Variants in ABTB1 observed in about 807,000 individuals in gnomAD.
ABTB1 encodes the protein ankyrin repeat and BTB domain containing 1, also known as ankyrin repeat and BTB/POZ domain-containing protein 1.
ABTB1 carries 45 observed loss-of-function variants against 57.1 expected under a neutral mutation model. The observed-to-expected ratio is 0.79, with a 90% CI of 0.62 to 1.01. The LOEUF is 1.01. Ranked by LOEUF, ABTB1 falls within the 50% of genes least tolerant of loss-of-function variation. ABTB1 has a pLI of 0.00. For missense variants in ABTB1, 630 were observed against 666.3 expected (o/e 0.95, Z 0.60); for synonymous variants, 302 against 275.4 (o/e 1.10, Z -0.95).
chr3:127,679,890 T>A (rs2075085718), intron 10 of ABTB1, 95 bp from the exon 11 acceptor site: 15 of 1,243,322 alleles, frequency 1.2e-5, no homozygotes, highest in Non-Finnish European at 1.7e-5. Flanking sequence ...TTCCCGCCAG[T>A]GCCCCCCAAC....
At chr3:127,677,928 G>A (rs556841865) in intron 10 of ABTB1, 85 bp downstream of exon 10, 2 of 1,507,490 alleles carry the variant, frequency 1.3e-6, no homozygotes, top group East Asian at 2.3e-5. Context: ...GGGGGTCTGT[G>A]GAAGGGCCCA....
chr3:127,673,174 G>C, intron 1 of ABTB1, 93 bp downstream of exon 1: 9 of 1,308,922 alleles, frequency 6.9e-6, no homozygotes, highest in Non-Finnish European at 8.9e-6. Context: ...GCCGCGGAGA[G>C]GCGGGCGCCT....
In ABTB1 at chr3:127,675,264, C is replaced by CTTT. The variant is rs1170878832; in HGVS notation, c.175+682_175+684dup. 5.6e-3 allele frequency among the ~76,000 whole-genome samples: 690 copies of CTTT among 123,810 alleles called. 20 individuals carry two copies. Among genetic ancestry groups the CTTT allele is most frequent in the African/African-American group, 0.019 (625 of 32,384 alleles). 81.2% of individuals were successfully genotyped at this position (123,810 alleles called of 152,430 possible). A position where few individuals can be genotyped will look rare whatever the true frequency, so the allele number is the denominator to read the frequency against. On this transcript the variant is annotated intron_variant, in intron 3 of 11. Coordinates refer to ENST00000232744, the MANE Select transcript of ABTB1 (RefSeq NM_172027.3). ...ATTCTTCTTCCTATTTTGGTTTTTT[C>CTTT]TTTTTTTTTTTTTTTTTTTTGGAGA...
Position 127,680,176 on chromosome 3 carries a change from C to A in ABTB1, c.1221C>A (p.Val407=), listed in dbSNP as rs1232402267. The part of the protein sequence containing the change: ...EDQCTEYMAK[V]IEKLVEREDF... ...AGTGCACTGAGTACATGGCCAAGGT[C>A]ATTGAGAAGGTGGGCCAGTGGTCTG... The change falls in exon 11 of 12, where the codon GTC becomes GTA. Residue 407 remains valine, a synonymous_variant. Transcript: ENST00000232744. 6.2e-7 allele frequency: 1 copy of A among 1,613,842 alleles called. No homozygotes were observed. The highest frequency in any genetic ancestry group is 8.5e-7 in the Non-Finnish European group (1 of 1,179,980).
In ABTB1 at chr3:127,676,505, C is replaced by T; in HGVS notation, c.481-31C>T. On this transcript the variant is annotated intron_variant, in intron 5 of 11. Transcript: ENST00000232744. This position sits in a 1 kb window ranked among gnomAD's most constrained non-coding sequence, Gnocchi z 5.4. ...AGGAGGTTGTGCTGGGTGGCTGCCT[C>T]TGACATTACTTTCTGGTTTTCTGCC... 6.2e-7 allele frequency: 1 copy of T among 1,614,150 alleles called. No individual in the cohort carries two copies. Among genetic ancestry groups the T allele is most frequent in the Non-Finnish European group, 8.5e-7 (1 of 1,180,004 alleles).
intron 1 of ABTB1, chr3:127,673,303 C>T (rs1243876406): frequency 5.9e-5 from 22 of 371,704 alleles, no homozygotes; most frequent in Non-Finnish European, 3.7e-5. Context: ...CCCCGGAGGG[C>T]TTCCTGTAAG....
Position 127,673,047 on chromosome 3 carries a change from G to T in ABTB1, c.22G>T (p.Ala8Ser). MDTSDLF[A>S]SCRKGDVGRV... The stretch of plus-strand genomic sequence containing the variant: ...CGCCATGGACACCAGCGACCTGTTC[G>T]CCAGCTGCAGGAAGGGGGATGTGGG... The change falls in exon 1 of 12, where the codon GCC (alanine) becomes TCC (serine). Residue 8 changes from alanine to serine, a missense_variant. By Grantham distance (99) the Ala-to-Ser change is moderately conservative (BLOSUM62 1). Transcript: ENST00000232744. 3.8e-6 allele frequency: 6 copies of T among 1,574,810 alleles called. No homozygotes were observed. Among genetic ancestry groups the T allele is most frequent in the Non-Finnish European group, 5.2e-6 (6 of 1,160,676 alleles).
chr3:127,674,201 C>G lies in ABTB1; in HGVS notation c.57-190C>G, dbSNP rs986579200. On this transcript the variant is annotated intron_variant, in intron 1 of 11. Transcript: ENST00000232744. Reference sequence around the variant, plus strand: ...GCACACAGTGTCTGCCTGTTCGACCCCACCTCCACATCCTTGCCTGCACTT... The same window carrying G: ...GCACACAGTGTCTGCCTGTTCGACCGCACCTCCACATCCTTGCCTGCACTT... 5 of 659,928 alleles carry G rather than the reference C, an allele frequency of 7.6e-6. No homozygotes were observed. The East Asian group carries it at 1.1e-4, about 15-fold the overall frequency. The allele number at this position is 659,928 out of a possible 1,614,324, so 40.9% of individuals were successfully genotyped here.
Position 127,675,990 on chromosome 3 carries a change from A to G in ABTB1, c.196A>G (p.Thr66Ala). The change falls in exon 4 of 12, where the codon ACC becomes GCC. Residue 66 changes from threonine (T) to alanine (A), a missense_variant. Physicochemically the swap from Thr to Ala is moderately conservative, Grantham distance 58 (BLOSUM62 0). This residue lies in a region of ABTB1 where 579 missense variants were observed against 585.9 expected (regional missense o/e 0.99). Coordinates refer to ENST00000232744, the MANE Select transcript of ABTB1 (RefSeq NM_172027.3). ...CCCAGGAGCCCGCTGCGAGGCCAAC[A>G]CCTTCGATGGTGAGCGCTGCCTCTA... is the stretch of plus-strand genomic sequence containing the variant. Reference protein sequence around the residue: ...LANGARCEANTFDGERCLYGA... With the variant: ...LANGARCEANAFDGERCLYGA... 3 of 1,609,430 alleles carry G rather than the reference A, an allele frequency of 1.9e-6. No homozygotes were observed. The highest frequency in any genetic ancestry group is 2.5e-6 in the Non-Finnish European group (3 of 1,177,438).
intron 1 of ABTB1, 93 bp from the exon 2 acceptor site, chr3:127,674,298 A>G (rs1489857879): frequency 2.0e-6 from 3 of 1,517,558 alleles, no homozygotes; most frequent in East Asian, 2.4e-5. Context: ...CCCCATACCA[A>G]AAGGGATGTT....
At chr3:127,675,679 C>A (rs2074963979) in intron 3 of ABTB1, 2 of 487,556 alleles carry the variant, frequency 4.1e-6, no homozygotes, top group Middle Eastern at 5.5e-4. Context: ...GTCTCGTTCA[C>A]TGCTGTGCTC....
chr3:127,679,545 A>G (rs1292762985), intron 10 of ABTB1: 3 of 459,010 alleles, frequency 6.5e-6, no homozygotes, highest in Admixed American at 4.7e-5. Context: ...GGTCTTGACT[A>G]GCTGCCTCTG....
At chr3:127,674,671 G>A (rs371432584) in intron 3 of ABTB1, 71 bp downstream of exon 3, 55 of 1,528,460 alleles carry the variant, frequency 3.6e-5, no homozygotes, top group East Asian at 6.7e-5. Flanking sequence ...GCATGCATGC[G>A]TGCGTGCATT....
intron 3 of ABTB1, chr3:127,675,684 G>T: frequency 2.0e-6 from 1 of 502,280 alleles, no homozygotes; most frequent in Non-Finnish European, 3.6e-6. Context: ...GTTCACTGCT[G>T]TGCTCCAGTG....
chr3:127,674,317 G>A, intron 1 of ABTB1, 74 bp from the exon 2 acceptor site: 1 of 1,550,038 alleles, frequency 6.5e-7, no homozygotes, highest in Non-Finnish European at 8.7e-7. Context: ...TTTTCTCTCC[G>A]TTCCTTTCCA....
chr3:127,677,547 G>C lies in ABTB1; in HGVS notation c.845G>C (p.Ser282Thr). The C allele has an allele frequency of 6.2e-7, 1 of 1,613,920 alleles. No individual in the cohort carries two copies. Residue 282 changes from serine (S) to threonine (T), a missense_variant, in exon 9 of 12, where the codon AGC becomes ACC. Around this residue, in one of 3 missense-constraint regions of ABTB1, gnomAD observed 579 missense variants for 585.9 expected, o/e 0.99. Coordinates refer to ENST00000232744, the MANE Select transcript of ABTB1 (RefSeq NM_172027.3). ...ATCTGCTTCCGAGTGGCTGGCTGCA[G>C]CTTCCTCTGCCACAAGGTGCCTGTG... ...PDICFRVAGCSFLCHKAFFCG... is the reference protein window; with the variant it reads ...PDICFRVAGCTFLCHKAFFCG...
At chr3:127,677,940 C>G (rs575056106) in intron 10 of ABTB1, 97 bp downstream of exon 10, 1 of 1,445,590 alleles carries the variant, frequency 6.9e-7, no homozygotes, top group African/African-American at 1.4e-5. Flanking sequence ...AAGGGCCCAG[C>G]TGGCCCCATG....
intron 1 of ABTB1, chr3:127,673,355 G>T: frequency 3.5e-6 from 1 of 285,232 alleles, no homozygotes; most frequent in Non-Finnish European, 6.4e-6. Context: ...AGAAGTGGGC[G>T]GAGAGAAGGC....
In ABTB1 at chr3:127,680,262, C is replaced by T. The variant is rs1467670025; in HGVS notation, c.1231-7C>T. 1 of 1,613,590 alleles carries T rather than the reference C, an allele frequency of 6.2e-7. No homozygotes were observed. The highest frequency in any genetic ancestry group is 1.1e-5 in the South Asian group (1 of 91,068). On this transcript the variant is annotated splice_region_variant and splice_polypyrimidine_tract_variant and intron_variant, in intron 11 of 11. Coordinates refer to ENST00000232744, the MANE Select transcript of ABTB1 (RefSeq NM_172027.3). ...CCCTCCACTGAGCTGGCCCTTCCCG[C>T]TCATAGCTGGTGGAGCGGGAGGACT...
Sources: gnomAD v4.1 joint callset for allele counts (sites outside exome capture counted in the v4.1 genomes callset) on GRCh38, gnomAD v4.1.1 for gene constraint, gnomAD v4.1.1 regional missense constraint, Gnocchi (gnomAD v3.1) non-coding constraint, MANE v1.5 for transcripts, NCBI Gene and HGNC (gene_info 2026-07-23, HGNC 2026-07-21) for gene names.